PPP1R13B: variants seen among roughly 807,000 people sequenced by gnomAD.
The protein encoded by PPP1R13B is apoptosis-stimulating of p53 protein 1.
PPP1R13B carries 44 observed loss-of-function variants against 119.8 expected under a neutral mutation model. The observed-to-expected ratio is 0.37, with a 90% CI of 0.29 to 0.47. The LOEUF is 0.47. Among genes scored for constraint, PPP1R13B ranks in the 20% least tolerant of loss-of-function variants. The probability of loss-of-function intolerance (pLI) is 0.99; values close to 1 mark genes in which losing one functional copy is unlikely to be tolerated. For synonymous variants in PPP1R13B, 542 were observed against 561.5 expected (o/e 0.97, Z 0.49); for missense variants, 1,227 against 1,413.5 (o/e 0.87, Z 2.12).
intron 2 of PPP1R13B, among the ~76,000 whole-genome samples, chr14:103,786,747 AAG>A (rs1026077572): frequency 7.0e-6 from 1 of 142,326 alleles, no homozygotes; most frequent in Non-Finnish European, 1.5e-5. Context: ...CCTGAGCAAT[AAG>A]AGAGAAAACT....
At chr14:103,821,608 G>A (rs1261777661) in intron 1 of PPP1R13B, among the ~76,000 whole-genome samples, 6 of 151,992 alleles carry the variant, frequency 3.9e-5, no homozygotes, top group East Asian at 1.9e-4. Flanking sequence ...AAAATTAGCC[G>A]GGCGTGGTGA....
chr14:103,757,891 G>A (rs1197292875), intron 4 of PPP1R13B, 140 bp from the exon 5 acceptor site: 2 of 556,884 alleles, frequency 3.6e-6, no homozygotes, highest in Non-Finnish European at 6.1e-6. Flanking sequence ...TTTCTTGTAA[G>A]AACTTTTCCT....
At chr14:103,791,784 G>T (rs1289869689) in intron 2 of PPP1R13B, among the ~76,000 whole-genome samples, 3 of 152,138 alleles carry the variant, frequency 2.0e-5, no homozygotes, top group Non-Finnish European at 2.9e-5. Flanking sequence ...TTTTAGTTTT[G>T]AAAGTAGCAT....
intron 1 of PPP1R13B, among the ~76,000 whole-genome samples, chr14:103,838,624 A>T (rs1271937019): frequency 1.3e-5 from 2 of 152,242 alleles, no homozygotes; most frequent in Admixed American, 6.5e-5. Context: ...AGAAAAAGAC[A>T]CGGCAGGGTG....
At chr14:103,780,025 T>C (rs113345285) in intron 3 of PPP1R13B, among the ~76,000 whole-genome samples, 12,727 of 152,004 alleles carry the variant, frequency 0.084, 757 homozygotes, top group Non-Finnish European at 0.14. Context: ...GGTGCACACC[T>C]GTAATCCCAG....
chr14:103,767,855 T>C (rs901565958), intron 4 of PPP1R13B, among the ~76,000 whole-genome samples: 4 of 152,206 alleles, frequency 2.6e-5, no homozygotes, highest in African/African-American at 4.8e-5. Flanking sequence ...ACATCAATCT[T>C]GATAAAGTTA....
chr14:103,777,337 C>T (rs1172465322), intron 4 of PPP1R13B, among the ~76,000 whole-genome samples: 1 of 152,286 alleles, frequency 6.6e-6, no homozygotes, highest in East Asian at 1.9e-4. Context: ...GCTCCCCTCA[C>T]CTATGATAAG....
At chr14:103,743,819 GCT>G (rs1476526488) in intron 9 of PPP1R13B, 1 of 152,260 alleles carries the variant, frequency 6.6e-6, no homozygotes, top group Non-Finnish European at 1.5e-5. Flanking sequence ...TCCCGGCTGC[GCT>G]CTGAGCGCCT....
chr14:103,813,547 T>C (rs890510739), intron 1 of PPP1R13B, among the ~76,000 whole-genome samples: 1 of 152,232 alleles, frequency 6.6e-6, no homozygotes, highest in Non-Finnish European at 1.5e-5. Context: ...TTTCCCCTGC[T>C]GGCATTCGTT....
intron 1 of PPP1R13B, among the ~76,000 whole-genome samples, chr14:103,843,765 C>A (rs764012839): frequency 6.6e-5 from 10 of 151,328 alleles, no homozygotes; most frequent in Non-Finnish European, 5.9e-5. Context: ...CAATCCTGGC[C>A]AACGTGGTGA....
At chr14:103,805,298 C>CAAG (rs1487118484) in intron 1 of PPP1R13B, among the ~76,000 whole-genome samples, 3 of 151,878 alleles carry the variant, frequency 2.0e-5, no homozygotes, top group African/African-American at 4.8e-5. Flanking sequence ...AGGCCAGGAA[C>CAAG]GGTGGCTCAT....
At position 103,738,824 on chromosome 14, in the gene PPP1R13B, G is replaced by A. The variant is rs906824498; in HGVS notation, c.2731-12C>T. ...CTGGGATCTTCCACCTAGGACACAC[G>A]GCCTGTGAGCGCCCATCCCCTCGCC... On this transcript the variant is annotated splice_polypyrimidine_tract_variant and intron_variant, in intron 13 of 16. Coordinates refer to ENST00000202556, the MANE Select transcript of PPP1R13B (RefSeq NM_015316.3). This position sits in a 1 kb window ranked among gnomAD's most constrained non-coding sequence, Gnocchi z 5.6. The A allele has an allele frequency of 8.1e-6, 13 of 1,613,748 alleles. No homozygotes were observed. The highest frequency in any genetic ancestry group is 3.3e-5 in the Admixed American group (2 of 59,988).
At position 103,762,995 on chromosome 14, in the gene PPP1R13B, C is replaced by T. The variant is rs534961009; in HGVS notation, c.355-5244G>A. 1.1e-4 allele frequency: 155 copies of T among 1,429,506 alleles called. 1 individual carries two copies. In the Admixed American group the frequency reaches 1.5e-3, roughly 14 times the overall value. The allele number at this position is 1,429,506 out of a possible 1,614,324, so 88.6% of individuals were successfully genotyped here. A position where few individuals can be genotyped will look rare whatever the true frequency, so the allele number is the denominator to read the frequency against. On this transcript the variant is annotated intron_variant, in intron 4 of 16. Transcript: ENST00000202556. ...TCAGCCCATAGTGAAGAAAGACAAACGGCAAAATTCTTCAAGGTTTAGTGC... is the reference window on the plus strand; with the variant it reads ...TCAGCCCATAGTGAAGAAAGACAAATGGCAAAATTCTTCAAGGTTTAGTGC...
At chr14:103,736,313 C>G (rs1187756726) in intron 15 of PPP1R13B, 111 bp from the exon 16 acceptor site, 3 of 1,173,088 alleles carry the variant, frequency 2.6e-6, no homozygotes, top group Non-Finnish European at 1.2e-6. Context: ...TCTCAGCAGG[C>G]CCCACAGAGG....
At chr14:103,753,995 TC>T in intron 6 of PPP1R13B, 74 bp downstream of exon 6, 1 of 1,504,768 alleles carries the variant, frequency 6.6e-7, no homozygotes, top group Non-Finnish European at 9.0e-7. Flanking sequence ...GACTGAATTG[TC>T]AGGCAGTTAG....
At chr14:103,848,243 C>A, upstream of PPP1R13B, 2 of 985,358 alleles carry the variant, frequency 2.0e-6, no homozygotes, top group Non-Finnish European at 2.4e-6. Flanking sequence ...GCCTAGAACC[C>A]CGCGCCCACC....
intron 2 of PPP1R13B, among the ~76,000 whole-genome samples, chr14:103,795,195 C>T (rs2085730348): frequency 6.6e-6 from 1 of 152,128 alleles, no homozygotes; most frequent in Admixed American, 6.6e-5. Flanking sequence ...GCCTTGGCCT[C>T]CTAAAGGGCT....
At chr14:103,834,216 A>G (rs2086723107) in intron 1 of PPP1R13B, among the ~76,000 whole-genome samples, 2 of 152,176 alleles carry the variant, frequency 1.3e-5, no homozygotes. Flanking sequence ...CTTTACTAAA[A>G]ATACAAAAAA....
At chr14:103,815,122 A>C (rs2086248084) in intron 1 of PPP1R13B, among the ~76,000 whole-genome samples, 1 of 152,222 alleles carries the variant, frequency 6.6e-6, no homozygotes, top group Non-Finnish European at 1.5e-5. Context: ...GATTCAAATG[A>C]ATGCTAAACA....
Sources: gnomAD v4.1 joint callset for allele counts (sites outside exome capture counted in the v4.1 genomes callset) on GRCh38, gnomAD v4.1.1 for gene constraint, Gnocchi (gnomAD v3.1) non-coding constraint, MANE v1.5 for transcripts, NCBI Gene and HGNC (gene_info 2026-07-23, HGNC 2026-07-21) for gene names.